Variants in TRPC5 observed in about 807,000 individuals in gnomAD.
TRPC5 encodes the protein transient receptor potential cation channel subfamily C member 5, also known as short transient receptor potential channel 5.
Under a neutral mutation model 56.5 loss-of-function variants are expected in TRPC5, and 9 were observed. That is an observed-to-expected ratio of 0.16 (90% CI 0.10 to 0.28). The LOEUF is 0.28. Among genes scored for constraint, TRPC5 ranks in the 10% least tolerant of loss-of-function variants. The pLI, the probability that TRPC5 is intolerant of heterozygous loss-of-function variation, is 1.00. For missense variants in TRPC5, 469 were observed against 748.9 expected (o/e 0.63, Z 4.36); for synonymous variants, 282 against 278.5 (o/e 1.01, Z -0.13).
chrX:112,036,308 C>T (rs1929740394), intron 1 of TRPC5, among the ~76,000 whole-genome samples: 1 of 112,259 alleles, frequency 8.9e-6, no homozygotes, highest in Non-Finnish European at 1.9e-5. Flanking sequence ...TGCCTTACAA[C>T]ACCTTTGAGA....
At chrX:112,032,553 T>G (rs1338232178) in intron 1 of TRPC5, among the ~76,000 whole-genome samples, 1 of 112,297 alleles carries the variant, frequency 8.9e-6, no homozygotes, top group Non-Finnish European at 1.9e-5. Context: ...TTTCCATCTC[T>G]TGGCTATTAT....
Position 111,771,437 on chromosome X carries a change from C to A in TRPC5, c.*4876G>T, listed in dbSNP as rs756848183. Among the ~76,000 whole-genome samples, 22 of 111,725 alleles carry A rather than the reference C, an allele frequency of 2.0e-4. No homozygotes were observed. Among genetic ancestry groups the A allele is most frequent in the Non-Finnish European group, 4.0e-4 (21 of 53,117 alleles). The stretch of plus-strand genomic sequence containing the variant: ...AGATCCAGTAATCAAGTACAAGATA[C>A]AAATCCACTCAAGTTGGGGATAACA... On this transcript the variant is annotated 3_prime_UTR_variant, in exon 11 of 11. Transcript: ENST00000262839.
At chrX:111,942,016 G>C (rs1371130909) in intron 2 of TRPC5, among the ~76,000 whole-genome samples, 1 of 111,977 alleles carries the variant, frequency 8.9e-6, no homozygotes, top group African/African-American at 3.3e-5. Flanking sequence ...GTCTCAGCAA[G>C]AGAGACAGGG....
chrX:111,922,276 T>C (rs1487845384), intron 2 of TRPC5, among the ~76,000 whole-genome samples: 2 of 111,980 alleles, frequency 1.8e-5, no homozygotes, highest in Non-Finnish European at 3.8e-5. Flanking sequence ...GCCTCATTCA[T>C]ACACACAATG....
At chrX:111,895,291 C>T (rs1382839054) in intron 3 of TRPC5, among the ~76,000 whole-genome samples, 1 of 111,619 alleles carries the variant, frequency 9.0e-6, no homozygotes, top group African/African-American at 3.3e-5. Flanking sequence ...TAGTGATGAA[C>T]ACCTATTTAT....
intron 7 of TRPC5, among the ~76,000 whole-genome samples, chrX:111,789,146 A>T (rs1460792101): frequency 5.4e-5 from 6 of 111,852 alleles, no homozygotes; most frequent in Admixed American, 4.8e-4. Context: ...GAGGCATCAC[A>T]CTACCTGACT....
chrX:111,868,357 C>G (rs1261336064), intron 3 of TRPC5, among the ~76,000 whole-genome samples: 1 of 112,125 alleles, frequency 8.9e-6, no homozygotes, highest in East Asian at 2.8e-4. Flanking sequence ...CTCAGTCCAC[C>G]CTGTTCCCTG....
At chrX:111,952,526 G>A (rs1304059730) in intron 1 of TRPC5, 85 bp from the exon 2 acceptor site, 70 of 953,056 alleles carry the variant, frequency 7.3e-5, no homozygotes, top group Non-Finnish European at 9.6e-5. Context: ...GCCCTGCTAA[G>A]GGGTTAGAAA....
At chrX:111,973,368 A>G (rs1927833877) in intron 1 of TRPC5, among the ~76,000 whole-genome samples, 1 of 112,291 alleles carries the variant, frequency 8.9e-6, no homozygotes, top group African/African-American at 3.2e-5. Context: ...TGCCATTTTA[A>G]TAGAGGATTC....
intron 1 of TRPC5, among the ~76,000 whole-genome samples, chrX:112,053,424 G>C (rs1482460307): frequency 8.9e-6 from 1 of 111,861 alleles, no homozygotes; most frequent in Non-Finnish European, 1.9e-5. Flanking sequence ...CTGAAGTTCT[G>C]TATGCTTAGC....
At chrX:111,802,827 G>A (rs1921360288) in intron 7 of TRPC5, among the ~76,000 whole-genome samples, 1 of 111,410 alleles carries the variant, frequency 9.0e-6, no homozygotes, top group Non-Finnish European at 1.9e-5. Flanking sequence ...AAGCCTGCAT[G>A]TTATATCTAT....
chrX:111,932,515 C>T (rs1464177948), intron 2 of TRPC5, among the ~76,000 whole-genome samples: 1 of 110,874 alleles, frequency 9.0e-6, no homozygotes, highest in Non-Finnish European at 1.9e-5. Context: ...GCCAGCTTCT[C>T]ACCAATATTT....
intron 7 of TRPC5, among the ~76,000 whole-genome samples, chrX:111,803,694 G>T (rs779969530): frequency 1.1e-4 from 12 of 111,826 alleles, no homozygotes; most frequent in African/African-American, 3.6e-4. Flanking sequence ...TTTTGATGGG[G>T]TTTTTTGTTT....
chrX:111,783,787 A>G (rs1317475603), intron 7 of TRPC5, among the ~76,000 whole-genome samples: 2 of 111,110 alleles, frequency 1.8e-5, no homozygotes, highest in African/African-American at 3.3e-5. Flanking sequence ...CATGTTTATA[A>G]AACTATCCAT....
At chrX:111,915,576 C>A (rs1925951104) in intron 2 of TRPC5, among the ~76,000 whole-genome samples, 1 of 111,957 alleles carries the variant, frequency 8.9e-6, no homozygotes, top group African/African-American at 3.3e-5. Context: ...GCTGCCCGCT[C>A]AAATACTGTG....
chrX:111,925,828 A>G (rs902228322), intron 2 of TRPC5, among the ~76,000 whole-genome samples: 3 of 111,808 alleles, frequency 2.7e-5, no homozygotes, highest in Non-Finnish European at 5.6e-5. Context: ...TTTTAAGCAC[A>G]TAGTGATGCT....
intron 3 of TRPC5, among the ~76,000 whole-genome samples, chrX:111,873,670 G>A (rs931342503): frequency 4.5e-5 from 5 of 110,771 alleles, no homozygotes; most frequent in Non-Finnish European, 9.4e-5. Flanking sequence ...TGTAATCCCA[G>A]CTACTAGGGA....
intron 2 of TRPC5, among the ~76,000 whole-genome samples, chrX:111,926,206 A>G (rs1022455284): frequency 6.3e-5 from 7 of 110,809 alleles, no homozygotes; most frequent in Non-Finnish European, 1.3e-4. Context: ...GGATTATAAC[A>G]TACTCCCATC....
chrX:112,063,981 T>G (rs115389186), intron 1 of TRPC5, among the ~76,000 whole-genome samples: 2,054 of 111,393 alleles, frequency 0.018, 44 homozygotes, highest in African/African-American at 0.064. Context: ...TCTAAAGCCA[T>G]TTATGATCAT....
Sources: gnomAD v4.1 joint callset for allele counts (sites outside exome capture counted in the v4.1 genomes callset) on GRCh38, gnomAD v4.1.1 for gene constraint, MANE v1.5 for transcripts, NCBI Gene and HGNC (gene_info 2026-07-23, HGNC 2026-07-21) for gene names.